Variants in ABCA4 observed in about 807,000 individuals in gnomAD.
The protein encoded by ABCA4 is ATP binding cassette subfamily A member 4.
Under a neutral mutation model 263.7 loss-of-function variants are expected in ABCA4, and 196 were observed. That is an observed-to-expected ratio of 0.74 (90% CI 0.66 to 0.84). ABCA4 has a LOEUF of 0.84. Among genes scored for constraint, ABCA4 ranks in the 40% least tolerant of loss-of-function variants. The pLI is 0.00. For missense variants in ABCA4, 2,792 were observed against 2,855.1 expected, an observed-to-expected ratio of 0.98 and a Z score of 0.50; for synonymous variants, 1,133 against 1,094.2, an observed-to-expected ratio of 1.04 and a Z score of -0.70.
intron 36 of ABCA4, among the ~76,000 whole-genome samples, chr1:94,018,340 T>C (rs1248141398): frequency 6.6e-6 from 1 of 152,250 alleles, no homozygotes; most frequent in African/African-American, 2.4e-5. Flanking sequence ...TAGCTCCTTT[T>C]ATATTAGCAT....
At chr1:94,062,802 A>C in intron 12 of ABCA4, 49 bp from the exon 13 acceptor site, 5 of 1,588,022 alleles carry the variant, frequency 3.1e-6, no homozygotes, top group Non-Finnish European at 4.3e-6. Flanking sequence ...TGGATAGCTC[A>C]CTCACACCTC....
chr1:94,002,038 C>T (rs1557759610), intron 44 of ABCA4, 46 bp from the exon 45 acceptor site: 1 of 1,613,628 alleles, frequency 6.2e-7, no homozygotes. Context: ...AAGCAAACAC[C>T]CCAAACCTCC....
At position 94,021,848 on chromosome 1, in the gene ABCA4, C is replaced by T. The variant is rs113106943; in HGVS notation, c.4771G>A (p.Gly1591Arg). The change falls in exon 33 of 50, where the codon GGG becomes AGG. Residue 1591 changes from glycine (G) to arginine (R), a missense_variant and splice_region_variant. Gly to Arg is a moderately radical substitution (Grantham distance 125, BLOSUM62 -2). Transcript: ENST00000370225. Reference sequence around the variant, plus strand: ...AAATCTCCAGTCTGTTTACATACCCCGCTCACATTCATGATCCGGCCAAGG... The same window carrying T: ...AAATCTCCAGTCTGTTTACATACCCTGCTCACATTCATGATCCGGCCAAGG... ...SDLGRIMNVSGGPITREASKE... is the reference protein window; with the variant it reads ...SDLGRIMNVSRGPITREASKE... 2.5e-3 allele frequency: 3,981 copies of T among 1,614,112 alleles called. 15 individuals are homozygous for T. Among genetic ancestry groups the T allele is most frequent in the Non-Finnish European group, 2.8e-3 (3,311 of 1,179,976 alleles).
In ABCA4 at chr1:94,121,109, A is replaced by T; in HGVS notation, c.-64T>A. On this transcript the variant is annotated 5_prime_UTR_variant, in exon 1 of 50. Transcript: ENST00000370225. ...GGCCCCTCAGACAGCAAAGGACATA[A>T]ACGCCGTTAAGAGCGCCTCTGGCTC... is the stretch of plus-strand genomic sequence containing the variant. 6.7e-7 allele frequency: 1 copy of T among 1,503,544 alleles called. No homozygotes were observed. The highest frequency in any genetic ancestry group is 9.3e-7 in the Non-Finnish European group (1 of 1,079,322). 93.1% of individuals were successfully genotyped at this position (1,503,544 alleles called of 1,614,324 possible). A position where few individuals can be genotyped will look rare whatever the true frequency, so the allele number is the denominator to read the frequency against.
chr1:94,103,933 C>G (rs1349809322), intron 4 of ABCA4, among the ~76,000 whole-genome samples: 1 of 152,176 alleles, frequency 6.6e-6, no homozygotes, highest in Non-Finnish European at 1.5e-5. Flanking sequence ...GCATAAAGAA[C>G]ACCTAACAGT....
intron 11 of ABCA4, among the ~76,000 whole-genome samples, chr1:94,063,596 T>C (rs1389611677): frequency 2.6e-5 from 4 of 152,220 alleles, no homozygotes; most frequent in South Asian, 4.1e-4. Context: ...TGTCCAAATA[T>C]GCAAGTCTTC....
rs1570432480 is a variant in ABCA4, at chr1:94,110,666, G to A, written c.302+772C>T. Reference sequence around the variant, plus strand: ...GATGTTCTCCCAATGCTCTGAAAGGGAATTCCGAAGGCAGACCCTCTTCCT... The same window carrying A: ...GATGTTCTCCCAATGCTCTGAAAGGAAATTCCGAAGGCAGACCCTCTTCCT... On this transcript the variant is annotated intron_variant, in intron 3 of 49. Transcript: ENST00000370225. Among the ~76,000 whole-genome samples, 3 of 152,284 alleles carry A rather than the reference G, an allele frequency of 2.0e-5. No homozygotes were observed. In the South Asian group the frequency reaches 6.2e-4, roughly 32 times the overall value.
At position 94,043,441 on chromosome 1, in the gene ABCA4, G is replaced by A. The variant is rs61751397; in HGVS notation, c.3085C>T (p.Gln1029Ter). Reference protein sequence around the residue: ...TVAEHMLFYAQLKGKSQEEAQ... With the variant: ...TVAEHMLFYA ...TCCTCCTGGGACTTTCCTTTCAGCTGGGCATAGAACAGCATGTGCTCAGCC... is the reference window on the plus strand; with the variant it reads ...TCCTCCTGGGACTTTCCTTTCAGCTAGGCATAGAACAGCATGTGCTCAGCC... The change falls in exon 21 of 50, where the codon CAG (glutamine) becomes TAG (stop). Residue 1029 changes from glutamine to a stop codon, truncating the protein, a stop_gained. Coordinates refer to ENST00000370225, the MANE Select transcript of ABCA4 (RefSeq NM_000350.3). LOFTEE classifies it high-confidence loss of function. The A allele has an allele frequency of 6.2e-7, 1 of 1,614,188 alleles. No individual in the cohort carries two copies. The highest frequency in any genetic ancestry group is 8.5e-7 in the Non-Finnish European group (1 of 1,180,044).
chr1:94,058,850 C>A (rs1213296301), intron 14 of ABCA4, among the ~76,000 whole-genome samples: 1 of 152,202 alleles, frequency 6.6e-6, no homozygotes, highest in African/African-American at 2.4e-5. Flanking sequence ...GCTCGAGTAA[C>A]AAAGGGACCT....
Position 93,997,939 on chromosome 1 carries a change from C to T in ABCA4, c.6651G>A (p.Arg2217=), listed in dbSNP as rs1295845635. 6.2e-7 allele frequency: 1 copy of T among 1,614,046 alleles called. No homozygotes were observed. Among genetic ancestry groups the T allele is most frequent in the Non-Finnish European group, 8.5e-7 (1 of 1,179,994 alleles). ...QFQVSSSSLA[R]IFQLLLSHKD... ...TGTGGGAGAGGAGGAGCTGGAAGAT[C>T]CTCGCCAGGGAGGAGGAGGAGACCT... The change falls in exon 48 of 50, where the codon AGG becomes AGA. Residue 2217 remains arginine (R), a synonymous_variant. Transcript: ENST00000370225.
rs1177873969 is a variant in ABCA4, at chr1:94,019,028, T to TC, written c.5196+553_5196+554insG. On this transcript the variant is annotated intron_variant, in intron 36 of 49. Transcript: ENST00000370225. ...TCAGATAAACAACCAGGTTTTTTTT[T>TC]TTTTTTTTTTTTTTTTTAGTGTAGA... Among the ~76,000 whole-genome samples the TC allele has an allele frequency of 2.7e-5, 4 of 145,962 alleles. No homozygotes were observed. In the East Asian group the frequency reaches 7.9e-4, roughly 29 times the overall value.
chr1:94,068,012 G>T (rs187444965), intron 11 of ABCA4, among the ~76,000 whole-genome samples: 1 of 152,174 alleles, frequency 6.6e-6, no homozygotes, highest in Admixed American at 6.5e-5. Flanking sequence ...CCCCAGCCAG[G>T]TTACCTTTTA....
intron 16 of ABCA4, 47 bp downstream of exon 16, chr1:94,055,064 G>A (rs1168642470): frequency 8.5e-6 from 13 of 1,524,140 alleles, no homozygotes; most frequent in Non-Finnish European, 1.2e-5. Context: ...GAGGGCTGGG[G>A]ATCTGAAGAA....
In ABCA4 at chr1:94,118,498, C is replaced by T. The variant is rs112780551; in HGVS notation, c.66+2482G>A. ...TAGAGGCAGAAGTTTCCAGAAGAAC[C>T]GCAAGCTTAGGAAGGAGCCACAGAT... On this transcript the variant is annotated intron_variant, in intron 1 of 49. Transcript: ENST00000370225. 4.1e-3 allele frequency among the ~76,000 whole-genome samples: 625 copies of T among 152,212 alleles called. 5 individuals carry two copies. Among genetic ancestry groups the T allele is most frequent in the African/African-American group, 0.014 (594 of 41,504 alleles).
intron 26 of ABCA4, among the ~76,000 whole-genome samples, chr1:94,033,461 A>G (rs535249429): frequency 6.6e-6 from 1 of 151,790 alleles, no homozygotes; most frequent in African/African-American, 2.4e-5. Flanking sequence ...AACATTTCAC[A>G]GGATTGGTTT....
intron 2 of ABCA4, among the ~76,000 whole-genome samples, chr1:94,112,106 C>T (rs1662623047): frequency 6.6e-6 from 1 of 152,176 alleles, no homozygotes; most frequent in African/African-American, 2.4e-5. Context: ...GAATAGAGGA[C>T]TGGGCAGATT....
chr1:94,063,097 T>C lies in ABCA4; in HGVS notation c.1760+15A>G. 1 of 1,608,868 alleles carries C rather than the reference T, an allele frequency of 6.2e-7. No homozygotes were observed. Among genetic ancestry groups the C allele is most frequent in the Non-Finnish European group, 8.5e-7 (1 of 1,175,994 alleles). ...GACTTTGGAGAAATGCAGCGAGCCC[T>C]TCCTGAAACATCACCTGTCTTTAAT... On this transcript the variant is annotated intron_variant, in intron 12 of 49. Coordinates refer to ENST00000370225, the MANE Select transcript of ABCA4 (RefSeq NM_000350.3).
chr1:94,019,664 C>A lies in ABCA4; in HGVS notation c.5114G>T (p.Arg1705Leu), dbSNP rs61753021. Residue 1705 changes from arginine to leucine, a missense_variant, in exon 36 of 50, where the codon CGG becomes CTG. Arg to Leu is a moderately radical substitution (Grantham distance 102). Coordinates refer to ENST00000370225, the MANE Select transcript of ABCA4 (RefSeq NM_000350.3). ...ASFVLYLIQE[R>L]VNKSKHLQFI... is the part of the protein sequence containing the mutation. The stretch of plus-strand genomic sequence containing the variant: ...CTGGAGGTGCTTGGATTTGTTCACC[C>A]GCTCCTGGATCAAATAAAGGACAAA... 2 of 1,613,374 alleles carry A rather than the reference C, an allele frequency of 1.2e-6. No individual in the cohort carries two copies. The highest frequency in any genetic ancestry group is 1.7e-6 in the Non-Finnish European group (2 of 1,179,712).
intron 18 of ABCA4, among the ~76,000 whole-genome samples, 183 bp from the exon 19 acceptor site, chr1:94,047,276 A>G (rs571287537): frequency 1.2e-4 from 19 of 152,210 alleles, no homozygotes; most frequent in African/African-American, 4.3e-4. Flanking sequence ...TTTATACAGC[A>G]CCTCCTATAT....
Sources: gnomAD v4.1 joint callset for allele counts (sites outside exome capture counted in the v4.1 genomes callset) on GRCh38, gnomAD v4.1.1 for gene constraint, MANE v1.5 for transcripts, NCBI Gene and HGNC (gene_info 2026-07-23, HGNC 2026-07-21) for gene names.